The following ACAN variants were observed in gnomAD, a reference collection of about 807,000 sequenced individuals.
The protein encoded by ACAN is aggrecan, also known as aggrecan core protein.
In ACAN, 47 loss-of-function variants were observed where a neutral mutation model predicts 169.1. The observed-to-expected ratio is 0.28, with a 90% CI of 0.22 to 0.35. The LOEUF is 0.35. Among genes scored for constraint, ACAN ranks in the 10% least tolerant of loss-of-function variants. The pLI is 1.00. For missense variants in ACAN, 2,716 were observed against 2,759.9 expected, an observed-to-expected ratio of 0.98 and a Z score of 0.36; for synonymous variants, 1,115 against 1,112.2, an observed-to-expected ratio of 1.00 and a Z score of -0.05.
chr15:88,868,951 C>G lies in ACAN; in HGVS notation c.7060+622C>G, dbSNP rs1897324490. Among the ~76,000 whole-genome samples, 1 of 152,220 alleles carries G rather than the reference C, an allele frequency of 6.6e-6. No individual in the cohort carries two copies. The highest frequency in any genetic ancestry group is 1.5e-5 in the Non-Finnish European group (1 of 68,044). ...CCATGCCAGCCTATGCTTCCTTTCT[C>G]CCTCCCTTGTGCAAGGCAAAGGGTG... On this transcript the variant is annotated intron_variant, in intron 14 of 18. Transcript: ENST00000560601. The surrounding 1 kb of genome is among the most constrained non-coding windows in gnomAD (Gnocchi z 5.2).
At chr15:88,823,408 T>C (rs1896127297) in intron 1 of ACAN, among the ~76,000 whole-genome samples, 1 of 152,036 alleles carries the variant, frequency 6.6e-6, no homozygotes, top group South Asian at 2.1e-4. Context: ...TTTGGTTTTT[T>C]GGTGGTTTTT....
In ACAN at chr15:88,838,476, G is replaced by A. The variant is rs115252131; in HGVS notation, c.71-187G>A. Reference sequence around the variant, plus strand: ...AGGGGTCTTGAGGAACACTGCTCTGGAAAGGGCGTGGCAAGCCTTTCTGGG... The same window carrying A: ...AGGGGTCTTGAGGAACACTGCTCTGAAAAGGGCGTGGCAAGCCTTTCTGGG... On this transcript the variant is annotated intron_variant, in intron 2 of 18. Coordinates refer to ENST00000560601, the MANE Select transcript of ACAN (RefSeq NM_001369268.1). The surrounding 1 kb of genome is among the most constrained non-coding windows in gnomAD (Gnocchi z 5.1). 0.04 allele frequency among the ~76,000 whole-genome samples: 6,026 copies of A among 152,256 alleles called. 213 individuals are homozygous for A. Among genetic ancestry groups the A allele is most frequent in the South Asian group, 0.09 (431 of 4,812 alleles).
chr15:88,845,070 A>G, intron 6 of ACAN, among the ~76,000 whole-genome samples: 1 of 152,320 alleles, frequency 6.6e-6, no homozygotes, highest in East Asian at 1.9e-4. Flanking sequence ...AGCCACCTTC[A>G]TCAACTTCAC....
chr15:88,874,037 C>T lies in ACAN; in HGVS notation c.7630+13C>T. 6.2e-7 allele frequency: 1 copy of T among 1,607,508 alleles called. No homozygotes were observed. The highest frequency in any genetic ancestry group is 8.5e-7 in the Non-Finnish European group (1 of 1,179,664). ...ACCTGCACAGACCGTGAGCATCACCCCGGCCATCTCGCTGAGCACAGGGTT... is the reference window on the plus strand; with the variant it reads ...ACCTGCACAGACCGTGAGCATCACCTCGGCCATCTCGCTGAGCACAGGGTT... On this transcript the variant is annotated intron_variant, in intron 18 of 18. Transcript: ENST00000560601. The surrounding 1 kb of genome is among the most constrained non-coding windows in gnomAD (Gnocchi z 7.3).
rs1897317402 is a variant in ACAN at position 88,868,513 on chromosome 15, C to T, written c.7060+184C>T. ...TGATTCCCACTCTTTTTCTTGCTCT[C>T]CTCCTTGAAAACCCTTTTCTGGAGC... On this transcript the variant is annotated intron_variant, in intron 14 of 18. Coordinates refer to ENST00000560601, the MANE Select transcript of ACAN (RefSeq NM_001369268.1). The surrounding 1 kb of genome is among the most constrained non-coding windows in gnomAD (Gnocchi z 5.2). Among the ~76,000 whole-genome samples, 1 of 152,170 alleles carries T rather than the reference C, an allele frequency of 6.6e-6. No individual in the cohort carries two copies. The highest frequency in any genetic ancestry group is 6.5e-5 in the Admixed American group (1 of 15,282).
rs1459755992 is a variant in ACAN at position 88,849,415 on chromosome 15, C to T, written c.1733-23C>T. 3 of 1,550,096 alleles carry T rather than the reference C, an allele frequency of 1.9e-6. No individual in the cohort carries two copies. Among genetic ancestry groups the T allele is most frequent in the Non-Finnish European group, 2.6e-6 (3 of 1,145,504 alleles). On this transcript the variant is annotated intron_variant, in intron 9 of 18. Coordinates refer to ENST00000560601, the MANE Select transcript of ACAN (RefSeq NM_001369268.1). This position sits in a 1 kb window ranked among gnomAD's most constrained non-coding sequence, Gnocchi z 5.1. ...GGCCTGAGTGTGGGGGGGTCATATTCTACCCCTTGCCTCTGCCCCCAGGGG... is the reference window on the plus strand; with the variant it reads ...GGCCTGAGTGTGGGGGGGTCATATTTTACCCCTTGCCTCTGCCCCCAGGGG...
chr15:88,874,362 T>C lies in ACAN; in HGVS notation c.7631-43T>C. On this transcript the variant is annotated intron_variant, in intron 18 of 18. Coordinates refer to ENST00000560601, the MANE Select transcript of ACAN (RefSeq NM_001369268.1). The surrounding 1 kb of genome is among the most constrained non-coding windows in gnomAD (Gnocchi z 7.3). ...GAGAGCCTGGGCTCGCCCCACTTTC[T>C]TTCCAGGTCCACTGATATCTTTCCA... 3.2e-6 allele frequency: 5 copies of C among 1,540,708 alleles called. No homozygotes were observed. The highest frequency in any genetic ancestry group is 4.4e-6 in the Non-Finnish European group (5 of 1,132,744).
At chr15:88,809,153 C>A (rs979781407) in intron 1 of ACAN, among the ~76,000 whole-genome samples, 1 of 152,318 alleles carries the variant, frequency 6.6e-6, no homozygotes, top group South Asian at 2.1e-4. Context: ...AAAGTCCCCA[C>A]TATGGAAAAT....
chr15:88,838,694 C>A lies in ACAN; in HGVS notation c.102C>A (p.Pro34=). The change falls in exon 3 of 19, where the codon CCC becomes CCA. Residue 34 remains proline, a synonymous_variant. Coordinates refer to ENST00000560601, the MANE Select transcript of ACAN (RefSeq NM_001369268.1). This position sits in a 1 kb window ranked among gnomAD's most constrained non-coding sequence, Gnocchi z 5.1. The part of the protein sequence containing the change: ...DHDNSLSVSI[P]QPSPLRVLLG... Reference sequence around the variant, plus strand: ...ACAACTCGCTGAGTGTCAGCATCCCCCAACCGTCCCCGCTGAGGGTCCTCC... The same window carrying A: ...ACAACTCGCTGAGTGTCAGCATCCCACAACCGTCCCCGCTGAGGGTCCTCC... 2 of 1,598,782 alleles carry A rather than the reference C, an allele frequency of 1.3e-6. No individual in the cohort carries two copies. Among genetic ancestry groups the A allele is most frequent in the Non-Finnish European group, 1.7e-6 (2 of 1,171,254 alleles).
Position 88,838,445 on chromosome 15 carries a change from G to A in ACAN, c.71-218G>A, listed in dbSNP as rs1413015521. 6.6e-6 allele frequency among the ~76,000 whole-genome samples: 1 copy of A among 152,080 alleles called. No homozygotes were observed. The highest frequency in any genetic ancestry group is 1.9e-4 in the East Asian group (1 of 5,188). On this transcript the variant is annotated intron_variant, in intron 2 of 18. Transcript: ENST00000560601. This position sits in a 1 kb window ranked among gnomAD's most constrained non-coding sequence, Gnocchi z 5.1. ...TCCATAGTTTCTGTCTCGAGATGCAGAGGCCAGGGGTCTTGAGGAACACTG... is the reference window on the plus strand; with the variant it reads ...TCCATAGTTTCTGTCTCGAGATGCAAAGGCCAGGGGTCTTGAGGAACACTG...
chr15:88,847,423 G>A lies in ACAN; in HGVS notation c.1604+6G>A. 4 of 1,565,104 alleles carry A rather than the reference G, an allele frequency of 2.6e-6. No individual in the cohort carries two copies. Among genetic ancestry groups the A allele is most frequent in the Non-Finnish European group, 3.5e-6 (4 of 1,150,758 alleles). On this transcript the variant is annotated splice_donor_region_variant and intron_variant, in intron 8 of 18. Coordinates refer to ENST00000560601, the MANE Select transcript of ACAN (RefSeq NM_001369268.1). ...CTGCGGGACCAGACCGTCAGGTGAAGCCATGCTCCTCGCCCAGCCCAAACC... is the reference window on the plus strand; with the variant it reads ...CTGCGGGACCAGACCGTCAGGTGAAACCATGCTCCTCGCCCAGCCCAAACC...
At position 88,811,808 on chromosome 15, in the gene ACAN, G is replaced by A. The variant is rs74583502; in HGVS notation, c.-8+7999G>A. 2.8e-3 allele frequency among the ~76,000 whole-genome samples: 426 copies of A among 152,170 alleles called. 10 individuals are homozygous for A. In the South Asian group the frequency reaches 0.047, roughly 17 times the overall value. On this transcript the variant is annotated intron_variant, in intron 1 of 18. Transcript: ENST00000560601. Reference sequence around the variant, plus strand: ...CAGCCCCCTGGAGCTGAGTAAAGAGGTGCCCTGCTTGCATGCTTGTCTCTG... The same window carrying A: ...CAGCCCCCTGGAGCTGAGTAAAGAGATGCCCTGCTTGCATGCTTGTCTCTG...
chr15:88,810,546 G>A (rs1161690378), intron 1 of ACAN, among the ~76,000 whole-genome samples: 1 of 151,900 alleles, frequency 6.6e-6, no homozygotes, highest in African/African-American at 2.4e-5. Flanking sequence ...GATGCTCCCT[G>A]TCTCCCCTCC....
At chr15:88,806,409 TG>T (rs1413568415) in intron 1 of ACAN, among the ~76,000 whole-genome samples, 1 of 151,912 alleles carries the variant, frequency 6.6e-6, no homozygotes, top group Non-Finnish European at 1.5e-5. Flanking sequence ...TAGAGTGCAG[TG>T]GCCCAATGTT....
At chr15:88,832,534 T>C (rs1326741215) in intron 1 of ACAN, among the ~76,000 whole-genome samples, 1 of 152,114 alleles carries the variant, frequency 6.6e-6, no homozygotes, top group Non-Finnish European at 1.5e-5. Flanking sequence ...TGCTTGAACC[T>C]GGGAGGCAGA....
chr15:88,823,806 T>C (rs372045908), intron 1 of ACAN, among the ~76,000 whole-genome samples: 26 of 152,182 alleles, frequency 1.7e-4, no homozygotes, highest in East Asian at 9.6e-4. Flanking sequence ...GGTCACCTAC[T>C]ACTCCCTGCT....
Position 88,815,680 on chromosome 15 carries a change from A to G in ACAN, c.-8+11871A>G, listed in dbSNP as rs898591395. Among the ~76,000 whole-genome samples the G allele has an allele frequency of 2.2e-5, 3 of 138,250 alleles. 1 individual carries two copies. The highest frequency in any genetic ancestry group is 2.5e-5 in the African/African-American group (1 of 39,868). The allele number at this position is 138,250 out of a possible 152,430, so 90.7% of individuals were successfully genotyped here. A position where few individuals can be genotyped will look rare whatever the true frequency, so the allele number is the denominator to read the frequency against. On this transcript the variant is annotated intron_variant, in intron 1 of 18. Transcript: ENST00000560601. ...TTAAAAAAAAAAAAAAAAAAAAAAA[A>G]GAAGGAGCCATTGAGATCAGACATA... is the stretch of plus-strand genomic sequence containing the variant.
In ACAN at chr15:88,874,319, G is replaced by T. The variant is rs1274177766; in HGVS notation, c.7631-86G>T. The T allele has an allele frequency of 5.3e-6, 7 of 1,323,498 alleles. No homozygotes were observed. The highest frequency in any genetic ancestry group is 7.4e-6 in the Non-Finnish European group (7 of 941,650). The allele number at this position is 1,323,498 out of a possible 1,614,324, so 82.0% of individuals were successfully genotyped here. On this transcript the variant is annotated intron_variant, in intron 18 of 18. Coordinates refer to ENST00000560601, the MANE Select transcript of ACAN (RefSeq NM_001369268.1). The surrounding 1 kb of genome is among the most constrained non-coding windows in gnomAD (Gnocchi z 7.3). ...CGCCTGAGTCCTGGTTTCCACAAGG[G>T]AGAGAGGGTAGTCTGGGGAGAGCCT...
intron 1 of ACAN, among the ~76,000 whole-genome samples, chr15:88,834,302 A>C (rs1375740034): frequency 6.6e-6 from 1 of 152,216 alleles, no homozygotes; most frequent in African/African-American, 2.4e-5. Context: ...TATATGTAGC[A>C]TAGGTGGTAG....
Sources: gnomAD v4.1 joint callset for allele counts (sites outside exome capture counted in the v4.1 genomes callset) on GRCh38, gnomAD v4.1.1 for gene constraint, Gnocchi (gnomAD v3.1) non-coding constraint, MANE v1.5 for transcripts, NCBI Gene and HGNC (gene_info 2026-07-23, HGNC 2026-07-21) for gene names.